The following RHBDD1 variants were observed in gnomAD, a reference collection of about 807,000 sequenced individuals.
RHBDD1 encodes rhomboid domain containing 1.
A neutral mutation model predicts 36.3 loss-of-function variants in RHBDD1; 38 were observed. That is an observed-to-expected ratio of 1.05 (90% CI 0.81 to 1.37). RHBDD1 has a LOEUF of 1.37. Among genes scored for constraint, RHBDD1 ranks in the 40% most tolerant of loss-of-function variants. RHBDD1 has a pLI of 0.00. For synonymous variants in RHBDD1, 151 were observed against 136.5 expected (o/e 1.11, Z -0.74); for missense variants, 393 against 377.6 (o/e 1.04, Z -0.34).
intron 1 of RHBDD1, among the ~76,000 whole-genome samples, chr2:226,837,339 G>A (rs748477402): frequency 6.6e-6 from 1 of 152,178 alleles, no homozygotes; most frequent in African/African-American, 2.4e-5. Flanking sequence ...GAGCTGTAGC[G>A]CATGGATATT....
chr2:226,976,575 C>T (rs896723056), intron 8 of RHBDD1, among the ~76,000 whole-genome samples: 6 of 152,228 alleles, frequency 3.9e-5, no homozygotes, highest in East Asian at 1.9e-4. Context: ...CACACAGTTC[C>T]GTGTGGTGCT....
At chr2:226,957,083 A>G (rs1260401127) in intron 8 of RHBDD1, among the ~76,000 whole-genome samples, 1 of 152,224 alleles carries the variant, frequency 6.6e-6, no homozygotes, top group Non-Finnish European at 1.5e-5. Flanking sequence ...TTCTATATTC[A>G]TTTTAGTGAT....
chr2:226,861,930 A>G (rs768971424), intron 3 of RHBDD1, among the ~76,000 whole-genome samples: 2 of 152,238 alleles, frequency 1.3e-5, no homozygotes, highest in South Asian at 2.1e-4. Context: ...AATAATAACA[A>G]TATAGAAACG....
At chr2:226,860,727 G>C (rs551310784) in intron 3 of RHBDD1, among the ~76,000 whole-genome samples, 1 of 152,116 alleles carries the variant, frequency 6.6e-6, no homozygotes. Flanking sequence ...GACTCAAAAC[G>C]TATGTTCTAC....
Position 226,864,365 on chromosome 2 carries a change from C to T in RHBDD1, c.-90-239C>T, listed in dbSNP as rs1175214513. 3.3e-5 allele frequency among the ~76,000 whole-genome samples: 5 copies of T among 152,260 alleles called. No homozygotes were observed. The East Asian group carries it at 9.6e-4, about 29-fold the overall frequency. ...TCGTGGTGTGTTTGTCAGAGAAAAA[C>T]ATACCTGTCCATTAACTGATTCATT... On this transcript the variant is annotated intron_variant, in intron 3 of 8. Coordinates refer to ENST00000392062, the MANE Select transcript of RHBDD1 (RefSeq NM_001167608.3).
chr2:226,907,276 C>T (rs901631233), intron 6 of RHBDD1, among the ~76,000 whole-genome samples: 2 of 152,192 alleles, frequency 1.3e-5, no homozygotes, highest in Admixed American at 1.3e-4. Context: ...AAAGCCTGGA[C>T]TGAAGTGCAT....
At chr2:226,910,796 T>C (rs1182889569) in intron 7 of RHBDD1, among the ~76,000 whole-genome samples, 1 of 152,164 alleles carries the variant, frequency 6.6e-6, no homozygotes, top group Non-Finnish European at 1.5e-5. Context: ...ATTGGGCCAG[T>C]GAAACATCCA....
chr2:226,867,330 CT>C lies in RHBDD1; in HGVS notation c.566+16del. On this transcript the variant is annotated intron_variant, in intron 5 of 8. Coordinates refer to ENST00000392062, the MANE Select transcript of RHBDD1 (RefSeq NM_001167608.3). ...TTATTCTCACCAGGGTAAGTGTTTT[CT>C]TTTGGGGAATACAGTTGAAGGACCT... 1 of 1,605,150 alleles carries C rather than the reference CT, an allele frequency of 6.2e-7. No homozygotes were observed. Among genetic ancestry groups the C allele is most frequent in the South Asian group, 1.1e-5 (1 of 88,260 alleles).
At chr2:226,801,758 G>A in the RHBDD1 span, among the ~76,000 whole-genome samples, 3 of 152,166 alleles carry the variant, frequency 2.0e-5, no homozygotes, top group Admixed American at 6.5e-5. Flanking sequence ...GGTAGGGCAG[G>A]GAGGTGCAGA....
intron 8 of RHBDD1, among the ~76,000 whole-genome samples, chr2:226,938,200 G>A (rs950980249): frequency 1.3e-5 from 2 of 151,936 alleles, no homozygotes; most frequent in African/African-American, 4.8e-5. Flanking sequence ...GTGATGTTGA[G>A]GTTTTTTTCA....
chr2:226,911,606 T>C (rs1243754607), intron 7 of RHBDD1, among the ~76,000 whole-genome samples: 1 of 150,380 alleles, frequency 6.6e-6, no homozygotes, highest in African/African-American at 2.4e-5. Context: ...ACTACCACAG[T>C]CTCCTTTACT....
chr2:226,811,942 T>G, the RHBDD1 span, among the ~76,000 whole-genome samples: 5 of 152,172 alleles, frequency 3.3e-5, no homozygotes, highest in Non-Finnish European at 5.9e-5. Context: ...AATGGATGAG[T>G]AGAGGAGTGT....
chr2:226,874,276 A>G (rs1945032192), intron 5 of RHBDD1, among the ~76,000 whole-genome samples: 1 of 152,190 alleles, frequency 6.6e-6, no homozygotes, highest in Admixed American at 6.5e-5. Context: ...TGTAGGAGGT[A>G]GGGTTGGGGG....
the RHBDD1 span, among the ~76,000 whole-genome samples, chr2:226,816,788 C>T: frequency 1.3e-5 from 2 of 152,168 alleles, no homozygotes; most frequent in African/African-American, 4.8e-5. Context: ...TCCAGCTACT[C>T]GGGAGGCTGA....
the RHBDD1 span, among the ~76,000 whole-genome samples, chr2:226,821,167 G>A: frequency 1.5e-4 from 23 of 152,224 alleles, no homozygotes; most frequent in East Asian, 2.3e-3. Context: ...CCTTAACTAA[G>A]CTTAACAAAA....
rs1029947259 is a variant in RHBDD1 at position 226,998,757 on chromosome 2, A to C, written c.*3235A>C. ...CTTTCATGATGCCACTCAGCATCTC[A>C]AATACCTTTCATTGGCTCTCTGCTG... is the stretch of plus-strand genomic sequence containing the variant. On this transcript the variant is annotated 3_prime_UTR_variant, in exon 9 of 9. Coordinates refer to ENST00000392062, the MANE Select transcript of RHBDD1 (RefSeq NM_001167608.3). 2 of 152,208 alleles carry C rather than the reference A, an allele frequency of 1.3e-5. No homozygotes were observed. The highest frequency in any genetic ancestry group is 2.9e-5 in the Non-Finnish European group (2 of 68,048). The allele number at this position is 152,208 out of a possible 1,614,324, so 9.4% of individuals were successfully genotyped here.
chr2:226,836,141 C>G (rs1193506057), intron 1 of RHBDD1, 54 bp downstream of exon 1: 1 of 153,336 alleles, frequency 6.5e-6, no homozygotes, highest in Non-Finnish European at 1.5e-5. Flanking sequence ...TGAGCGGCAT[C>G]TCTCGCCGTT....
chr2:226,881,180 A>G (rs1945696234), intron 5 of RHBDD1, among the ~76,000 whole-genome samples: 2 of 152,200 alleles, frequency 1.3e-5, no homozygotes, highest in Admixed American at 1.3e-4. Flanking sequence ...ACAGGAGAAC[A>G]GCATGGGGGG....
At chr2:226,836,115 C>G (rs571926990) in intron 1 of RHBDD1, 28 bp downstream of exon 1, 1 of 152,850 alleles carries the variant, frequency 6.5e-6, no homozygotes, top group Admixed American at 6.5e-5. Context: ...TTTGGTCCGG[C>G]TGCTGTCGTT....
Sources: gnomAD v4.1 joint callset for allele counts (sites outside exome capture counted in the v4.1 genomes callset) on GRCh38, gnomAD v4.1.1 for gene constraint, MANE v1.5 for transcripts, NCBI Gene and HGNC (gene_info 2026-07-23, HGNC 2026-07-21) for gene names.